Variants in GALNT13 observed in about 807,000 individuals in gnomAD.
GALNT13 encodes the protein UDP-GalNAc:polypeptide N-acetylgalactosaminyltransferase 13.
In GALNT13, 28 loss-of-function variants were observed where a neutral mutation model predicts 64.2. That is an observed-to-expected ratio of 0.44 (90% CI 0.32 to 0.60). GALNT13 has a LOEUF of 0.60. Among genes scored for constraint, GALNT13 ranks in the 20% least tolerant of loss-of-function variants. The probability of loss-of-function intolerance (pLI) is 0.05; values close to 1 mark genes in which losing one functional copy is unlikely to be tolerated. For synonymous variants in GALNT13, 214 were observed against 224.6 expected, an observed-to-expected ratio of 0.95 and a Z score of 0.42; for missense variants, 577 against 669.8, an observed-to-expected ratio of 0.86 and a Z score of 1.53.
intron 4 of GALNT13, among the ~76,000 whole-genome samples, chr2:154,218,644 T>C (rs1192674258): frequency 6.6e-6 from 1 of 152,136 alleles, no homozygotes; most frequent in African/African-American, 2.4e-5. Context: ...AGTCTTTCTC[T>C]TACTGTGTAC....
chr2:153,844,300 T>G, the GALNT13 span, among the ~76,000 whole-genome samples: 5 of 152,218 alleles, frequency 3.3e-5, no homozygotes, highest in Non-Finnish European at 7.3e-5. Context: ...TAACACCACA[T>G]GGAAGCTGCT....
intron 3 of GALNT13, among the ~76,000 whole-genome samples, chr2:153,988,063 T>TACACACAC (rs70981690): frequency 7.9e-5 from 11 of 139,264 alleles, no homozygotes; most frequent in South Asian, 4.4e-4. Flanking sequence ...GTGACATATA[T>TACACACAC]ATATATATAT....
intron 3 of GALNT13, among the ~76,000 whole-genome samples, chr2:153,972,661 G>A (rs1268790906): frequency 1.3e-5 from 2 of 151,948 alleles, no homozygotes; most frequent in African/African-American, 4.8e-5. Context: ...GGTACTTGCT[G>A]TACCTAATAT....
the GALNT13 span, among the ~76,000 whole-genome samples, chr2:153,716,680 C>A: frequency 6.6e-6 from 1 of 152,136 alleles, no homozygotes; most frequent in African/African-American, 2.4e-5. Context: ...AAAGACCTTT[C>A]AATGGTTCAC....
chr2:153,796,879 A>G, the GALNT13 span, among the ~76,000 whole-genome samples: 1 of 152,226 alleles, frequency 6.6e-6, no homozygotes, highest in Non-Finnish European at 1.5e-5. Context: ...ACCATATTTT[A>G]TAATTTCCAC....
intron 9 of GALNT13, among the ~76,000 whole-genome samples, chr2:154,336,975 C>T (rs1180907845): frequency 2.0e-5 from 3 of 151,860 alleles, no homozygotes; most frequent in Non-Finnish European, 2.9e-5. Context: ...ATCAGAGTAA[C>T]TTTTCAAATA....
chr2:154,261,287 CTA>C (rs1348103572), intron 8 of GALNT13, among the ~76,000 whole-genome samples: 2 of 152,126 alleles, frequency 1.3e-5, no homozygotes, highest in Non-Finnish European at 2.9e-5. Flanking sequence ...TTATCAGTGA[CTA>C]TTTTAAAACA....
At chr2:153,725,874 C>T in the GALNT13 span, among the ~76,000 whole-genome samples, 129,191 of 152,170 alleles carry the variant, frequency 0.85, 55,709 homozygotes, top group Non-Finnish European at 0.9. Context: ...ACATTCTTTA[C>T]ACTATCTTTT....
intron 4 of GALNT13, among the ~76,000 whole-genome samples, chr2:154,238,437 T>C (rs1689309691): frequency 6.6e-6 from 1 of 152,050 alleles, no homozygotes. Flanking sequence ...TAAGAAAGCA[T>C]TGTGCTATAA....
At position 154,404,211 on chromosome 2, in the gene GALNT13, A is replaced by G. The variant is rs77407223; in HGVS notation, c.1297-4773A>G. 6.4e-3 allele frequency among the ~76,000 whole-genome samples: 971 copies of G among 152,254 alleles called. 15 individuals carry two copies. The highest frequency in any genetic ancestry group is 0.043 in the South Asian group (207 of 4,818). On this transcript the variant is annotated intron_variant, in intron 10 of 12. Transcript: ENST00000392825. Reference sequence around the variant, plus strand: ...ATCCACAAACTACAAAACCACATTGAATGTGGAGTAGTTAGAATGTGCCAG... The same window carrying G: ...ATCCACAAACTACAAAACCACATTGGATGTGGAGTAGTTAGAATGTGCCAG...
At chr2:154,154,854 A>G (rs1684304652) in intron 4 of GALNT13, among the ~76,000 whole-genome samples, 1 of 151,968 alleles carries the variant, frequency 6.6e-6, no homozygotes, top group East Asian at 1.9e-4. Flanking sequence ...GACTTACTAG[A>G]TATAAGGGAA....
intron 9 of GALNT13, among the ~76,000 whole-genome samples, chr2:154,353,422 G>T (rs886067774): frequency 6.6e-6 from 1 of 152,094 alleles, no homozygotes; most frequent in African/African-American, 2.4e-5. Context: ...ACGTGTGTGT[G>T]GTGTGACAGG....
At chr2:154,014,913 T>A (rs1558908518) in intron 3 of GALNT13, among the ~76,000 whole-genome samples, 1 of 152,088 alleles carries the variant, frequency 6.6e-6, no homozygotes, top group Non-Finnish European at 1.5e-5. Context: ...TTTATAGGCG[T>A]GAGCCACCGC....
the GALNT13 span, among the ~76,000 whole-genome samples, chr2:153,428,841 G>GTGA: frequency 6.6e-6 from 1 of 152,116 alleles, no homozygotes; most frequent in Non-Finnish European, 1.5e-5. Context: ...AGAGGGGATG[G>GTGA]TGATCAAATG....
At chr2:153,183,271 C>T in the GALNT13 span, among the ~76,000 whole-genome samples, 3 of 152,230 alleles carry the variant, frequency 2.0e-5, no homozygotes, top group South Asian at 2.1e-4. Context: ...ACCACGTGTA[C>T]GTCTTCTTTT....
chr2:153,677,866 T>G, the GALNT13 span, among the ~76,000 whole-genome samples: 1 of 152,036 alleles, frequency 6.6e-6, no homozygotes, highest in Admixed American at 6.6e-5. Context: ...CCTTTTGCCT[T>G]ATAAAACAAT....
chr2:153,570,747 G>A, the GALNT13 span, among the ~76,000 whole-genome samples: 1 of 152,066 alleles, frequency 6.6e-6, no homozygotes, highest in Non-Finnish European at 1.5e-5. Flanking sequence ...TGGCACCTTT[G>A]TGGAAAATGA....
the GALNT13 span, among the ~76,000 whole-genome samples, chr2:153,726,443 G>C: frequency 6.6e-6 from 1 of 151,832 alleles, no homozygotes; most frequent in Non-Finnish European, 1.5e-5. Context: ...ATATGACTTT[G>C]TGAGGCACAT....
At chr2:153,656,005 T>C in the GALNT13 span, among the ~76,000 whole-genome samples, 1 of 152,172 alleles carries the variant, frequency 6.6e-6, no homozygotes, top group Non-Finnish European at 1.5e-5. Context: ...ACTTACTCTT[T>C]ATCATTTGAA....
Sources: allele counts gnomAD v4.1 joint callset (sites outside exome capture counted in the v4.1 genomes callset), GRCh38; gene constraint gnomAD v4.1.1; transcripts MANE v1.5; gene names NCBI Gene and HGNC (gene_info 2026-07-23, HGNC 2026-07-21).